ITSN2: variants seen among roughly 807,000 people sequenced by gnomAD.
The protein encoded by ITSN2 is intersectin-2.
A neutral mutation model predicts 243.7 loss-of-function variants in ITSN2; 156 were observed. The ratio of observed to expected loss-of-function variants is 0.64; its 90% CI spans 0.56 to 0.73. The LOEUF is 0.73. Ranked by LOEUF, ITSN2 falls within the 30% of genes least tolerant of loss-of-function variation. The pLI is 0.00. For synonymous variants in ITSN2, 703 were observed against 699.9 expected (o/e 1.00, Z -0.07); for missense variants, 1,801 against 1,996.1 (o/e 0.90, Z 1.86).
At chr2:24,255,839 C>T (rs1230813950) in intron 23 of ITSN2, among the ~76,000 whole-genome samples, 1 of 152,146 alleles carries the variant, frequency 6.6e-6, no homozygotes, top group Non-Finnish European at 1.5e-5. Context: ...CACCTGAGGT[C>T]GGGAGTTTGA....
At chr2:24,278,780 T>C (rs1015466174) in intron 17 of ITSN2, among the ~76,000 whole-genome samples, 13 of 151,570 alleles carry the variant, frequency 8.6e-5, no homozygotes, top group African/African-American at 2.2e-4. Context: ...GCCTCTTGAG[T>C]AGCTGGGATT....
At position 24,360,364 on chromosome 2, in the gene ITSN2, C is replaced by G. The variant is rs1688849088; in HGVS notation, c.-94G>C. The G allele has an allele frequency of 6.6e-6, 1 of 152,304 alleles. No individual in the cohort carries two copies. Among genetic ancestry groups the G allele is most frequent in the South Asian group, 2.1e-4 (1 of 4,842 alleles). The allele number at this position is 152,304 out of a possible 1,614,324, so 9.4% of individuals were successfully genotyped here. On this transcript the variant is annotated 5_prime_UTR_variant, in exon 1 of 40. Transcript: ENST00000355123. ...GCGACTCCGCGTCCCTCAGCACCGG[C>G]AGCCTGGGCGCGGGCAGGCGCGGGG...
At chr2:24,358,697 C>T (rs1325394217) in intron 1 of ITSN2, among the ~76,000 whole-genome samples, 1 of 152,158 alleles carries the variant, frequency 6.6e-6, no homozygotes, top group Non-Finnish European at 1.5e-5. Flanking sequence ...TTCTTGAAAG[C>T]TGCTGAGTTT....
At chr2:24,251,907 AAG>A (rs1457976338) in intron 25 of ITSN2, among the ~76,000 whole-genome samples, 1 of 152,166 alleles carries the variant, frequency 6.6e-6, no homozygotes, top group Non-Finnish European at 1.5e-5. Flanking sequence ...TGAAACCAAA[AAG>A]AGAACTTCTG....
At chr2:24,334,313 C>T (rs1391282033) in intron 1 of ITSN2, among the ~76,000 whole-genome samples, 1 of 152,180 alleles carries the variant, frequency 6.6e-6, no homozygotes, top group East Asian at 1.9e-4. Flanking sequence ...CCCGCCTCGG[C>T]TTCCCAAAGT....
At chr2:24,355,180 C>A (rs1454968732) in intron 1 of ITSN2, among the ~76,000 whole-genome samples, 1 of 152,148 alleles carries the variant, frequency 6.6e-6, no homozygotes, top group African/African-American at 2.4e-5. Flanking sequence ...TTAGTTTCTG[C>A]GCTCCACAGC....
intron 35 of ITSN2, 56 bp downstream of exon 35, chr2:24,209,758 TAAGA>T (rs1219885390): frequency 7.0e-5 from 96 of 1,379,296 alleles, no homozygotes; most frequent in Non-Finnish European, 2.5e-5. Flanking sequence ...AGGAAGGCCT[TAAGA>T]TAGAGGCAAC....
chr2:24,338,637 G>GCATT (rs1686718351), intron 1 of ITSN2, among the ~76,000 whole-genome samples: 2 of 152,250 alleles, frequency 1.3e-5, no homozygotes, highest in Non-Finnish European at 2.9e-5. Context: ...CTCCACCTAT[G>GCATT]CATTCATTCA....
At chr2:24,272,128 T>C (rs1677438130) in intron 18 of ITSN2, among the ~76,000 whole-genome samples, 187 bp from the exon 19 acceptor site, 1 of 152,132 alleles carries the variant, frequency 6.6e-6, no homozygotes, top group African/African-American at 2.4e-5. Context: ...AAGAAAAGCT[T>C]TGGAAGCTTT....
chr2:24,219,225 C>T (rs1390398994), intron 30 of ITSN2, among the ~76,000 whole-genome samples: 1 of 152,228 alleles, frequency 6.6e-6, no homozygotes, highest in Non-Finnish European at 1.5e-5. Context: ...CAACAGGACT[C>T]TGAATTCCTG....
intron 5 of ITSN2, among the ~76,000 whole-genome samples, 153 bp from the exon 6 acceptor site, chr2:24,310,845 T>C (rs1365669461): frequency 6.6e-6 from 1 of 152,190 alleles, no homozygotes; most frequent in Non-Finnish European, 1.5e-5. Flanking sequence ...GACCCAGCAG[T>C]GAGGGAGGTA....
intron 33 of ITSN2, among the ~76,000 whole-genome samples, 169 bp downstream of exon 33, chr2:24,212,479 GCA>G (rs147230531): frequency 6.6e-6 from 1 of 152,044 alleles, no homozygotes; most frequent in South Asian, 2.1e-4. Context: ...GTGTTTCTGT[GCA>G]CACACACACA....
In ITSN2 at chr2:24,216,060, C is replaced by A. The variant is rs1553341912; in HGVS notation, c.3979G>T (p.Glu1327Ter). The change falls in exon 32 of 40, where the codon GAA (glutamate) becomes TAA (stop). Residue 1327 changes from glutamate to a stop codon, truncating the protein, a stop_gained. Coordinates refer to ENST00000355123, the MANE Select transcript of ITSN2 (RefSeq NM_006277.3). LOFTEE classifies it high-confidence loss of function. ...QKTDEDTDFK[E>*]FLKKLASDPR... is the part of the protein sequence containing the mutation. ...CAGAATGGAATTACCTTTAAAAATTCTTTGAAATCTGTGTCTTCATCTGTC... is the reference window on the plus strand; with the variant it reads ...CAGAATGGAATTACCTTTAAAAATTATTTGAAATCTGTGTCTTCATCTGTC... The A allele has an allele frequency of 1.3e-6, 2 of 1,594,674 alleles. No homozygotes were observed. Among genetic ancestry groups the A allele is most frequent in the South Asian group, 1.1e-5 (1 of 88,706 alleles).
rs746025712 is a variant in ITSN2, at chr2:24,248,704, T to C, written c.3213A>G (p.Gln1071=). 6.2e-7 allele frequency: 1 copy of C among 1,613,426 alleles called. No homozygotes were observed. The highest frequency in any genetic ancestry group is 8.5e-7 in the Non-Finnish European group (1 of 1,179,656). The change falls in exon 27 of 40, where the codon CAA becomes CAG. Residue 1071 remains glutamine, a synonymous_variant. Coordinates refer to ENST00000355123, the MANE Select transcript of ITSN2 (RefSeq NM_006277.3). ...TTAACTGTCCTGGTGCAAGGCTAAG[T>C]TGTTCAGAACCAGAAGCAACATATG... The part of the protein sequence containing the change: ...TSAYVASGSE[Q]LSLAPGQLIL...
chr2:24,310,810 T>C (rs1323438511), intron 5 of ITSN2, 118 bp from the exon 6 acceptor site: 1 of 794,950 alleles, frequency 1.3e-6, no homozygotes, highest in Admixed American at 2.6e-5. Flanking sequence ...CACAGATGAA[T>C]TATCCTTAAA....
In ITSN2 at chr2:24,220,942, C is replaced by T. The variant is rs751644696; in HGVS notation, c.3699+3G>A. 1.9e-6 allele frequency: 3 copies of T among 1,595,728 alleles called. No individual in the cohort carries two copies. The Admixed American group carries it at 5.3e-5, about 28-fold the overall frequency. ...GAGAGCTAGCCAGCAGCAGCCTCCT[C>T]ACCTCGACGACGAGCTGAAGGTCAG... is the stretch of plus-strand genomic sequence containing the variant. On this transcript the variant is annotated splice_donor_region_variant and intron_variant, in intron 30 of 39. Coordinates refer to ENST00000355123, the MANE Select transcript of ITSN2 (RefSeq NM_006277.3).
chr2:24,264,996 G>A (rs1676491099), intron 20 of ITSN2, among the ~76,000 whole-genome samples: 1 of 151,640 alleles, frequency 6.6e-6, no homozygotes, highest in Non-Finnish European at 1.5e-5. Flanking sequence ...TTGCTTTGCT[G>A]CCCGGGTTGA....
intron 1 of ITSN2, among the ~76,000 whole-genome samples, chr2:24,332,579 T>C (rs1039069916): frequency 2.7e-4 from 41 of 152,234 alleles, no homozygotes; most frequent in African/African-American, 9.6e-4. Flanking sequence ...ATTTATATTG[T>C]ATGTAACATC....
intron 15 of ITSN2, among the ~76,000 whole-genome samples, chr2:24,289,907 G>GAA (rs1428751666): frequency 1.3e-5 from 2 of 152,182 alleles, no homozygotes; most frequent in Non-Finnish European, 2.9e-5. Context: ...GATCTTAGAT[G>GAA]AAAAGTCTTC....
Sources: gnomAD v4.1 joint callset for allele counts (sites outside exome capture counted in the v4.1 genomes callset) on GRCh38, gnomAD v4.1.1 for gene constraint, MANE v1.5 for transcripts, NCBI Gene and HGNC (gene_info 2026-07-23, HGNC 2026-07-21) for gene names.